KIAA1671: variants seen among roughly 807,000 people sequenced by gnomAD.
KIAA1671 encodes the protein KIAA1671.
In KIAA1671, 52 loss-of-function variants were observed where a neutral mutation model predicts 131.2. That is an observed-to-expected ratio of 0.40 (90% confidence interval 0.32 to 0.50). The LOEUF (loss-of-function observed/expected upper bound fraction) is 0.50, where lower values mean the gene tolerates loss of function less well. Among genes scored for constraint, KIAA1671 ranks in the 20% least tolerant of loss-of-function variants. The pLI, the probability that KIAA1671 is intolerant of heterozygous loss-of-function variation, is 0.73. For missense variants in KIAA1671, 2,360 were observed against 2,364.2 expected, an observed-to-expected ratio of 1.00 and a Z score of 0.04; for synonymous variants, 1,003 against 961.6, an observed-to-expected ratio of 1.04 and a Z score of -0.80.
At chr22:25,109,439 C>T (rs1931218639) in intron 6 of KIAA1671, among the ~76,000 whole-genome samples, 1 of 152,100 alleles carries the variant, frequency 6.6e-6, no homozygotes, top group Non-Finnish European at 1.5e-5. Context: ...ACGTGAGCCA[C>T]CGCGCCCGGC....
intron 6 of KIAA1671, among the ~76,000 whole-genome samples, chr22:25,169,749 C>A (rs1288008977): frequency 6.6e-6 from 1 of 151,912 alleles, no homozygotes; most frequent in Non-Finnish European, 1.5e-5. Context: ...AATCAGCACC[C>A]TTGCTCCCTG....
In KIAA1671 at chr22:25,040,566, T is replaced by G; in HGVS notation, c.3436T>G (p.Trp1146Gly). ...AGATGGCCCTCGTCCTCAAAGCAAT[T>G]GGAAGGAAAGTGCGAACAAGATGTC... ...SEDGPRPQSN[W>G]KESANKMSPS... The change falls in exon 5 of 13, where the codon TGG (tryptophan) becomes GGG (glycine). Residue 1146 changes from tryptophan to glycine, a missense_variant. By Grantham distance (184) the Trp-to-Gly change is radical (BLOSUM62 -2). Transcript: ENST00000358431. 1 of 1,551,594 alleles carries G rather than the reference T, an allele frequency of 6.4e-7. No individual in the cohort carries two copies. Among genetic ancestry groups the G allele is most frequent in the African/African-American group, 1.4e-5 (1 of 73,078 alleles).
At chr22:25,084,585 T>C (rs1929602133) in intron 6 of KIAA1671, among the ~76,000 whole-genome samples, 1 of 152,084 alleles carries the variant, frequency 6.6e-6, no homozygotes, top group African/African-American at 2.4e-5. Context: ...AGGCCAGTTA[T>C]CAGTTGCCAT....
In KIAA1671 at chr22:24,992,814, C is replaced by CAAAAAAAAA. The variant is rs761181079; in HGVS notation, c.-207-32803_-207-32795dup. 8.9e-3 allele frequency among the ~76,000 whole-genome samples: 508 copies of CAAAAAAAAA among 57,306 alleles called. 60 individuals are homozygous for CAAAAAAAAA. Among genetic ancestry groups the CAAAAAAAAA allele is most frequent in the Non-Finnish European group, 0.011 (364 of 33,912 alleles). 37.6% of individuals were successfully genotyped at this position (57,306 alleles called of 152,430 possible). On this transcript the variant is annotated intron_variant, in intron 1 of 12. Coordinates refer to ENST00000358431, the MANE Select transcript of KIAA1671 (RefSeq NM_001145206.2). ...TAGGTGACAGAGCGAGACTCCGTCT[C>CAAAAAAAAA]AAAAAAAAAAAAAAAAAAAAAAAAG...
At chr22:25,150,512 C>T (rs1302758585) in intron 6 of KIAA1671, among the ~76,000 whole-genome samples, 1 of 152,218 alleles carries the variant, frequency 6.6e-6, no homozygotes, top group South Asian at 2.1e-4. Flanking sequence ...GCTGCCTGCA[C>T]TCTTTCGGGC....
chr22:25,111,276 C>T (rs1027789231), intron 6 of KIAA1671, among the ~76,000 whole-genome samples: 1 of 152,242 alleles, frequency 6.6e-6, no homozygotes, highest in African/African-American at 2.4e-5. Context: ...GCCGCATTTC[C>T]TGGTGCGCTT....
intron 9 of KIAA1671, chr22:25,179,335 C>A: frequency 6.3e-7 from 1 of 1,593,204 alleles, no homozygotes; most frequent in Non-Finnish European, 8.5e-7. Context: ...TCTCGCTGCT[C>A]CTTGTTCCTG....
At chr22:25,026,049 C>A (rs1276223257) in intron 2 of KIAA1671, among the ~76,000 whole-genome samples, 1 of 152,202 alleles carries the variant, frequency 6.6e-6, no homozygotes, top group Non-Finnish European at 1.5e-5. Flanking sequence ...TATGGAAATT[C>A]TCCAATTCTC....
chr22:25,116,063 A>G (rs1239529719), intron 6 of KIAA1671, among the ~76,000 whole-genome samples: 1 of 152,146 alleles, frequency 6.6e-6, no homozygotes, highest in Non-Finnish European at 1.5e-5. Context: ...GGCATGAGCC[A>G]CTGTGCCCAG....
At chr22:25,131,709 T>C (rs559674005) in intron 6 of KIAA1671, among the ~76,000 whole-genome samples, 3 of 152,302 alleles carry the variant, frequency 2.0e-5, no homozygotes, top group Admixed American at 1.3e-4. Context: ...GGAGACAGTT[T>C]TCTGTGCTGT....
intron 6 of KIAA1671, among the ~76,000 whole-genome samples, chr22:25,087,377 A>G (rs1310790414): frequency 6.6e-6 from 1 of 152,190 alleles, no homozygotes; most frequent in Non-Finnish European, 1.5e-5. Flanking sequence ...TGATCTCAGG[A>G]GTTCGAGACC....
Position 25,197,179 on chromosome 22 carries a change from A to G in KIAA1671, c.*4778A>G, listed in dbSNP as rs982053749. 23 of 152,210 alleles carry G rather than the reference A, an allele frequency of 1.5e-4. No individual in the cohort carries two copies. Among genetic ancestry groups the G allele is most frequent in the African/African-American group, 5.3e-4 (22 of 41,456 alleles). 9.4% of individuals were successfully genotyped at this position (152,210 alleles called of 1,614,324 possible). On this transcript the variant is annotated 3_prime_UTR_variant, in exon 13 of 13. Transcript: ENST00000358431. ...GAGAGGCACTTTATCCAGTCCCAGA[A>G]AGAATCTCTAACCGTGTGACTGAGA...
chr22:25,123,189 GGT>G (rs1932024897), intron 6 of KIAA1671, among the ~76,000 whole-genome samples: 1 of 128,548 alleles, frequency 7.8e-6, no homozygotes, highest in Non-Finnish European at 1.6e-5. Context: ...TCTGAGATGA[GGT>G]TTTTTTTTTT....
intron 6 of KIAA1671, among the ~76,000 whole-genome samples, chr22:25,086,014 A>C (rs562706645): frequency 7.9e-5 from 12 of 152,168 alleles, no homozygotes; most frequent in African/African-American, 1.7e-4. Flanking sequence ...AGTTTCCATC[A>C]ATGAATGTTA....
intron 1 of KIAA1671, among the ~76,000 whole-genome samples, chr22:25,006,009 T>C (rs1214215901): frequency 6.6e-6 from 1 of 152,076 alleles, no homozygotes; most frequent in African/African-American, 2.4e-5. Flanking sequence ...AGCTAGAGCA[T>C]TGAATAGCCA....
chr22:25,163,901 T>G (rs1343919412), intron 6 of KIAA1671, among the ~76,000 whole-genome samples: 1 of 152,242 alleles, frequency 6.6e-6, no homozygotes, highest in African/African-American at 2.4e-5. Context: ...TTCCTTGAGA[T>G]AAATTTCTGG....
At chr22:25,084,942 A>C (rs1929626579) in intron 6 of KIAA1671, among the ~76,000 whole-genome samples, 1 of 152,188 alleles carries the variant, frequency 6.6e-6, no homozygotes, top group Non-Finnish European at 1.5e-5. Context: ...AGGGCTCTGG[A>C]AGTGAGTGTT....
Position 25,111,522 on chromosome 22 carries a change from G to T in KIAA1671, c.4531-59298G>T, listed in dbSNP as rs12169827. ...CCCGGGCTGCTCAGCCAGGGGACCC[G>T]GGGGCCCTGGTGGCTGCCTCCGGAA... is the stretch of plus-strand genomic sequence containing the variant. On this transcript the variant is annotated intron_variant, in intron 6 of 12. Coordinates refer to ENST00000358431, the MANE Select transcript of KIAA1671 (RefSeq NM_001145206.2). 5.9e-5 allele frequency among the ~76,000 whole-genome samples: 9 copies of T among 152,332 alleles called. No homozygotes were observed. In the South Asian group the frequency reaches 1.9e-3, roughly 32 times the overall value.
intron 6 of KIAA1671, among the ~76,000 whole-genome samples, chr22:25,077,133 A>T (rs1425663381): frequency 6.6e-6 from 1 of 152,214 alleles, no homozygotes; most frequent in Admixed American, 6.5e-5. Context: ...AAGCTTTGCA[A>T]CGAGGAGGAT....
Sources: gnomAD v4.1 joint callset for allele counts (sites outside exome capture counted in the v4.1 genomes callset) on GRCh38, gnomAD v4.1.1 for gene constraint, MANE v1.5 for transcripts, NCBI Gene and HGNC (gene_info 2026-07-23, HGNC 2026-07-21) for gene names.